TTLL2: variants seen among roughly 807,000 people sequenced by gnomAD.
TTLL2 encodes the protein tubulin tyrosine ligase like 2.
In TTLL2, 10 loss-of-function variants were observed where a neutral mutation model predicts 7.5. The observed-to-expected ratio is 1.33, with a 90% CI of 0.82 to 2.25. The LOEUF is 2.25. Ranked by LOEUF, TTLL2 falls within the 30% of genes most tolerant of loss-of-function variation. TTLL2 has a pLI of 0.00. For missense variants in TTLL2, 733 were observed against 735.7 expected (o/e 1.00, Z 0.04); for synonymous variants, 284 against 280.3 (o/e 1.01, Z -0.13).
intron 1 of TTLL2, among the ~76,000 whole-genome samples, chr6:167,327,697 C>T (rs978019525): frequency 5.3e-5 from 8 of 152,210 alleles, no homozygotes; most frequent in East Asian, 3.9e-4. Context: ...AAACCATATT[C>T]GCACAAGAGA....
At chr6:167,328,370 A>G (rs1778873813) in intron 1 of TTLL2, 2 of 309,574 alleles carry the variant, frequency 6.5e-6, no homozygotes, top group Non-Finnish European at 1.3e-5. Context: ...CCATACACCC[A>G]GGAATATCAT....
intron 2 of TTLL2, 68 bp from the exon 3 acceptor site, chr6:167,340,037 C>T (rs537308525): frequency 5.3e-6 from 8 of 1,510,392 alleles, no homozygotes; most frequent in Middle Eastern, 1.8e-4. Context: ...TGCACGGTTT[C>T]CTCAGAAAAA....
chr6:167,329,643 G>T (rs147211217), intron 1 of TTLL2, among the ~76,000 whole-genome samples: 2 of 152,012 alleles, frequency 1.3e-5, no homozygotes, highest in African/African-American at 4.8e-5. Context: ...ATCTGAGTAC[G>T]GTAAACCTAC....
Position 167,334,545 on chromosome 6 carries a change from A to C in TTLL2, c.48-4102A>C, listed in dbSNP as rs112093524. Among the ~76,000 whole-genome samples the C allele has an allele frequency of 4.0e-4, 61 of 151,806 alleles. 1 individual carries two copies. The highest frequency in any genetic ancestry group is 1.4e-3 in the African/African-American group (59 of 41,270). The stretch of plus-strand genomic sequence containing the variant: ...TAAGCCAAAAGAACAAAGCTGGAGG[A>C]ATCACACTACCTGACTTCAAACTAT... On this transcript the variant is annotated intron_variant, in intron 1 of 2. Coordinates refer to ENST00000239587, the MANE Select transcript of TTLL2 (RefSeq NM_031949.5).
intron 2 of TTLL2, 149 bp downstream of exon 2, chr6:167,338,952 T>C (rs1244804661): frequency 1.2e-6 from 1 of 800,858 alleles, no homozygotes; most frequent in Non-Finnish European, 1.8e-6. Flanking sequence ...TCCTCCTTCC[T>C]GCTCTCCCTC....
chr6:167,338,955 T>C (rs1779033032), intron 2 of TTLL2, 152 bp downstream of exon 2: 1 of 769,862 alleles, frequency 1.3e-6, no homozygotes, highest in Non-Finnish European at 1.9e-6. Flanking sequence ...TCCTTCCTGC[T>C]CTCCCTCTTT....
intron 1 of TTLL2, among the ~76,000 whole-genome samples, chr6:167,334,866 C>T (rs1778965906): frequency 3.0e-5 from 1 of 33,702 alleles, no homozygotes; most frequent in Admixed American, 3.4e-4. Context: ...CCATAAAAAC[C>T]CTAGAAGAAA....
rs1157021439 is a variant in TTLL2 at position 167,341,845 on chromosome 6, A to G, written c.*166A>G. 5 of 718,616 alleles carry G rather than the reference A, an allele frequency of 7.0e-6. No homozygotes were observed. In the Admixed American group the frequency reaches 1.6e-4, roughly 22 times the overall value. The allele number at this position is 718,616 out of a possible 1,614,324, so 44.5% of individuals were successfully genotyped here. A position where few individuals can be genotyped will look rare whatever the true frequency, so the allele number is the denominator to read the frequency against. On this transcript the variant is annotated 3_prime_UTR_variant, in exon 3 of 3. Transcript: ENST00000239587. ...TGTATAAATATAACAGCTCTGACAA[A>G]GCACAATATGTTCAAGTGGTGATTA...
chr6:167,341,133 T>C lies in TTLL2; in HGVS notation c.1233T>C (p.Ile411=), dbSNP rs1263635171. The C allele has an allele frequency of 6.2e-7, 1 of 1,613,960 alleles. No individual in the cohort carries two copies. Among genetic ancestry groups the C allele is most frequent in the African/African-American group, 1.3e-5 (1 of 74,944 alleles). Residue 411 remains isoleucine, a synonymous_variant, in exon 3 of 3, where the codon ATT becomes ATC. Transcript: ENST00000239587. ...TGAAGAGAAAACTTGTCCATGATAT[T>C]ATTGACCTGATTTACTTAAATGGTC... ...VLVKRKLVHD[I]IDLIYLNGLR...
rs540499661 is a variant in TTLL2 at position 167,341,944 on chromosome 6, C to T, written c.*265C>T. The T allele has an allele frequency of 8.9e-6, 4 of 448,904 alleles. No individual in the cohort carries two copies. Among genetic ancestry groups the T allele is most frequent in the Non-Finnish European group, 1.6e-5 (4 of 255,010 alleles). 27.8% of individuals were successfully genotyped at this position (448,904 alleles called of 1,614,324 possible). ...CTACAAATACCACACAGCCTCCCACCAGTAATTGAATGTGCTACACTACGA... is the reference window on the plus strand; with the variant it reads ...CTACAAATACCACACAGCCTCCCACTAGTAATTGAATGTGCTACACTACGA... On this transcript the variant is annotated 3_prime_UTR_variant, in exon 3 of 3. Coordinates refer to ENST00000239587, the MANE Select transcript of TTLL2 (RefSeq NM_031949.5).
At position 167,340,491 on chromosome 6, in the gene TTLL2, G is replaced by A. The variant is rs1270837116; in HGVS notation, c.591G>A (p.Gln197=). The A allele has an allele frequency of 1.2e-6, 2 of 1,614,040 alleles. No individual in the cohort carries two copies. Among genetic ancestry groups the A allele is most frequent in the East Asian group, 2.2e-5 (1 of 44,892 alleles). ...DYTKFVAEYF[Q]ERQMLGTKHS... is the part of the protein sequence containing the mutation. Reference sequence around the variant, plus strand: ...CCAAGTTCGTGGCTGAATACTTTCAGGAGAGGCAGATGCTGGGCACCAAGC... The same window carrying A: ...CCAAGTTCGTGGCTGAATACTTTCAAGAGAGGCAGATGCTGGGCACCAAGC... The change falls in exon 3 of 3, where the codon CAG becomes CAA. Residue 197 remains glutamine (Q), a synonymous_variant. Transcript: ENST00000239587.
At chr6:167,326,393 T>C (rs1303699185) in intron 1 of TTLL2, among the ~76,000 whole-genome samples, 1 of 152,118 alleles carries the variant, frequency 6.6e-6, no homozygotes, top group Non-Finnish European at 1.5e-5. Context: ...CTGTCTCATC[T>C]ATAATTGGGG....
chr6:167,338,430 A>AT (rs1779021780), intron 1 of TTLL2, among the ~76,000 whole-genome samples: 2 of 148,754 alleles, frequency 1.3e-5, no homozygotes, highest in African/African-American at 5.0e-5. Context: ...AGAAACAACA[A>AT]ACACACTCAA....
chr6:167,341,109 G>T lies in TTLL2; in HGVS notation c.1209G>T (p.Val403=). The T allele has an allele frequency of 4.3e-6, 7 of 1,613,932 alleles. No homozygotes were observed. Among genetic ancestry groups the T allele is most frequent in the Non-Finnish European group, 5.9e-6 (7 of 1,180,014 alleles). The change falls in exon 3 of 3, where the codon GTG becomes GTT. Residue 403 remains valine (V), a synonymous_variant. Coordinates refer to ENST00000239587, the MANE Select transcript of TTLL2 (RefSeq NM_031949.5). Reference sequence around the variant, plus strand: ...TGGATTGTTCAACAGATGTGTTGGTGAAGAGAAAACTTGTCCATGATATTA... The same window carrying T: ...TGGATTGTTCAACAGATGTGTTGGTTAAGAGAAAACTTGTCCATGATATTA... The part of the protein sequence containing the change: ...LTLDCSTDVL[V]KRKLVHDIID...
rs559084570 is a variant in TTLL2, at chr6:167,340,829, A to G, written c.929A>G (p.Glu310Gly). 3.1e-6 allele frequency: 5 copies of G among 1,614,188 alleles called. No homozygotes were observed. In the South Asian group the frequency reaches 3.3e-5, roughly 11 times the overall value. ...SSINKSGASY[E>G]KIKEVIGHGC... The stretch of plus-strand genomic sequence containing the variant: ...ATCAATAAATCCGGGGCCTCTTATG[A>G]GAAGATCAAAGAAGTGATTGGTCAT... The change falls in exon 3 of 3, where the codon GAG becomes GGG. Residue 310 changes from glutamate to glycine, a missense_variant. Coordinates refer to ENST00000239587, the MANE Select transcript of TTLL2 (RefSeq NM_031949.5).
chr6:167,330,220 CTGTATTACT>C (rs1323181453), intron 1 of TTLL2, among the ~76,000 whole-genome samples: 2 of 152,166 alleles, frequency 1.3e-5, no homozygotes, highest in Non-Finnish European at 2.9e-5. Flanking sequence ...AATTGTGTGT[CTGTATTACT>C]TGTACTCAGT....
chr6:167,341,720 T>TA lies in TTLL2; in HGVS notation c.*46dup. On this transcript the variant is annotated 3_prime_UTR_variant, in exon 3 of 3. Transcript: ENST00000239587. Reference sequence around the variant, plus strand: ...ATCAAGAAAAAGTGACATGGATTTTTAAAAACCAAGGATCCTGTCCTAGAG... The same window carrying TA: ...ATCAAGAAAAAGTGACATGGATTTTTAAAAAACCAAGGATCCTGTCCTAGAG... 1 of 1,545,202 alleles carries TA rather than the reference T, an allele frequency of 6.5e-7. No homozygotes were observed. The highest frequency in any genetic ancestry group is 8.7e-7 in the Non-Finnish European group (1 of 1,153,284).
In TTLL2 at chr6:167,340,894, C is replaced by G. The variant is rs571140155; in HGVS notation, c.994C>G (p.Arg332Gly). ...WTLSRFFSYL[R>G]SWDVDDLLLW... ...GCTCAGCAGATTTTTTTCCTACCTT[C>G]GTAGCTGGGATGTGGACGATCTGCT... Residue 332 changes from arginine (R) to glycine (G), a missense_variant, in exon 3 of 3, where the codon CGT (arginine) becomes GGT (glycine). Transcript: ENST00000239587. 15 of 1,614,114 alleles carry G rather than the reference C, an allele frequency of 9.3e-6. No homozygotes were observed. The highest frequency in any genetic ancestry group is 1.3e-5 in the Non-Finnish European group (15 of 1,180,006).
At chr6:167,338,451 A>G (rs962755476) in intron 1 of TTLL2, among the ~76,000 whole-genome samples, 196 bp from the exon 2 acceptor site, 1 of 112,964 alleles carries the variant, frequency 8.9e-6, no homozygotes, top group Non-Finnish European at 1.9e-5. Flanking sequence ...CAGGCACAAC[A>G]TAGTCACACA....
Sources: gnomAD v4.1 joint callset for allele counts (sites outside exome capture counted in the v4.1 genomes callset) on GRCh38, gnomAD v4.1.1 for gene constraint, MANE v1.5 for transcripts, NCBI Gene and HGNC (gene_info 2026-07-23, HGNC 2026-07-21) for gene names.